Variants in CHFR observed in about 807,000 individuals in gnomAD.
CHFR encodes checkpoint with forkhead and ring finger domains.
Under a neutral mutation model 87.6 loss-of-function variants are expected in CHFR, and 57 were observed. The observed-to-expected ratio is 0.65, with a 90% confidence interval of 0.53 to 0.81. The LOEUF (loss-of-function observed/expected upper bound fraction) is 0.81. CHFR is among the 30% of genes least tolerant of loss of function. The pLI, the probability that CHFR is intolerant of heterozygous loss-of-function variation, is 0.00. For missense variants in CHFR, 797 were observed against 865.8 expected, an observed-to-expected ratio of 0.92 and a Z score of 1.00; for synonymous variants, 381 against 359.2, an observed-to-expected ratio of 1.06 and a Z score of -0.69.
chr12:132,872,490 C>A, intron 3 of CHFR, 96 bp from the exon 4 acceptor site: 1 of 756,394 alleles, frequency 1.3e-6, no homozygotes. Flanking sequence ...TCGATATGAC[C>A]ACTCTGGAAA....
chr12:132,863,461 C>T (rs987218022), intron 6 of CHFR, among the ~76,000 whole-genome samples: 4 of 151,902 alleles, frequency 2.6e-5, no homozygotes, highest in Non-Finnish European at 5.9e-5. Context: ...ACGAAGTTCG[C>T]GCCATTGCAC....
At chr12:132,861,089 G>A (rs1013478263) in intron 7 of CHFR, among the ~76,000 whole-genome samples, 1 of 152,164 alleles carries the variant, frequency 6.6e-6, no homozygotes, top group East Asian at 1.9e-4. Flanking sequence ...TTGCTCTGTC[G>A]CCCAGGCTGG....
chr12:132,839,485 CCT>C lies in CHFR; in HGVS notation c.*2067_*2068del. The C allele has an allele frequency of 6.2e-6, 1 of 162,262 alleles. No individual in the cohort carries two copies. The highest frequency in any genetic ancestry group is 1.2e-4 in the South Asian group (1 of 8,650). The allele number at this position is 162,262 out of a possible 1,614,324, so 10.1% of individuals were successfully genotyped here. A position where few individuals can be genotyped will look rare whatever the true frequency, so the allele number is the denominator to read the frequency against. ...CCTCACCCCTGCACTAAGGACCTCC[CCT>C]CTCAGCCTCGCCTCTGCACAAACTC... On this transcript the variant is annotated 3_prime_UTR_variant, in exon 18 of 18. Transcript: ENST00000450056.
At chr12:132,842,553 C>G (rs1054138252) in intron 17 of CHFR, among the ~76,000 whole-genome samples, 1 of 152,218 alleles carries the variant, frequency 6.6e-6, no homozygotes, top group Non-Finnish European at 1.5e-5. Flanking sequence ...GCCTCCTGAC[C>G]TACGCCTCCC....
At chr12:132,867,732 C>T (rs1048273887) in intron 6 of CHFR, 2 of 152,010 alleles carry the variant, frequency 1.3e-5, no homozygotes, top group Non-Finnish European at 2.9e-5. Flanking sequence ...TGTAAGAACG[C>T]GAGAGCCAAG....
intron 2 of CHFR, among the ~76,000 whole-genome samples, chr12:132,881,035 G>A (rs10870533): frequency 0.093 from 14,195 of 152,096 alleles, 1,392 homozygotes; most frequent in East Asian, 0.46. Flanking sequence ...GGGTGGCCAA[G>A]GCGGGCGGAT....
intron 5 of CHFR, among the ~76,000 whole-genome samples, chr12:132,870,151 G>A (rs970895265): frequency 6.6e-6 from 1 of 152,122 alleles, no homozygotes; most frequent in East Asian, 1.9e-4. Context: ...AGGAGATCGA[G>A]GCCAACCTGG....
rs745889598 is a variant in CHFR, at chr12:132,859,173, G to A, written c.806C>T (p.Ala269Val). Residue 269 changes from alanine (A) to valine (V), a missense_variant, in exon 8 of 18, where the codon GCC becomes GTC. Coordinates refer to ENST00000450056, the MANE Select transcript of CHFR (RefSeq NM_001161346.2). ...QLLVAQPRRN[A>V]QTVHEDVRAA... is the part of the protein sequence containing the mutation. The stretch of plus-strand genomic sequence containing the variant: ...TCTGACGTCCTCGTGGACGGTTTGG[G>A]CATTTCTACGCGGTTGTGCGACCAA... 1.2e-6 allele frequency: 2 copies of A among 1,614,028 alleles called. No individual in the cohort carries two copies. Among genetic ancestry groups the A allele is most frequent in the Non-Finnish European group, 1.7e-6 (2 of 1,179,946 alleles).
At chr12:132,866,683 GGAATGTTACAACACACCA>G (rs1288812961) in intron 6 of CHFR, 2 of 151,934 alleles carry the variant, frequency 1.3e-5, no homozygotes, top group East Asian at 3.9e-4. Flanking sequence ...GAATGTTACA[GGAATGTTACAACACACCA>G]GAATGTTACA....
At chr12:132,872,693 C>G (rs1010016700) in intron 3 of CHFR, among the ~76,000 whole-genome samples, 1 of 152,182 alleles carries the variant, frequency 6.6e-6, no homozygotes, top group Non-Finnish European at 1.5e-5. Flanking sequence ...GACCCGGAGG[C>G]CTCGTCTACA....
intron 12 of CHFR, 39 bp from the exon 13 acceptor site, chr12:132,848,763 G>A (rs1232650232): frequency 4.8e-6 from 7 of 1,453,348 alleles, no homozygotes; most frequent in Non-Finnish European, 6.6e-6. Flanking sequence ...ACTCAGCGCT[G>A]AGGGCTGTCT....
Position 132,837,061 on chromosome 12 carries a change from G to A in CHFR, c.*4493C>T, listed in dbSNP as rs1252293357. 1 of 337,148 alleles carries A rather than the reference G, an allele frequency of 3.0e-6. No individual in the cohort carries two copies. The highest frequency in any genetic ancestry group is 2.2e-5 in the African/African-American group (1 of 45,930). 20.9% of individuals were successfully genotyped at this position (337,148 alleles called of 1,614,324 possible). The stretch of plus-strand genomic sequence containing the variant: ...ATGAGGAGAGGCTGCAGAGGGAGGG[G>A]CTGGTACCTGAGGGGCTGTTTGTGA... On this transcript the variant is annotated 3_prime_UTR_variant, in exon 18 of 18. Transcript: ENST00000450056.
intron 2 of CHFR, among the ~76,000 whole-genome samples, chr12:132,883,910 G>A (rs1220293867): frequency 6.6e-6 from 1 of 152,212 alleles, no homozygotes. Flanking sequence ...TTGAGGCCAG[G>A]AGTTCAAGAC....
At chr12:132,850,607 C>G (rs1950918573) in intron 12 of CHFR, among the ~76,000 whole-genome samples, 1 of 152,154 alleles carries the variant, frequency 6.6e-6, no homozygotes, top group Admixed American at 6.5e-5. Flanking sequence ...AGGCTAGGCC[C>G]CACCCCTGCC....
intron 2 of CHFR, among the ~76,000 whole-genome samples, chr12:132,886,857 C>T (rs1305461058): frequency 2.0e-5 from 3 of 152,176 alleles, no homozygotes; most frequent in Non-Finnish European, 4.4e-5. Flanking sequence ...TGTTTCATGT[C>T]CACATATCTG....
At chr12:132,865,298 A>G (rs1951309011) in intron 6 of CHFR, among the ~76,000 whole-genome samples, 1 of 152,242 alleles carries the variant, frequency 6.6e-6, no homozygotes, top group Non-Finnish European at 1.5e-5. Flanking sequence ...GATGAAGGGT[A>G]CACAGCCCAA....
chr12:132,866,421 T>TGTTACAACACACCCTGGAAC (rs1357595891), intron 6 of CHFR: 1 of 151,754 alleles, frequency 6.6e-6, no homozygotes, highest in Non-Finnish European at 1.5e-5. Context: ...CACACCGGAA[T>TGTTACAACACACCCTGGAAC]GTTACAACAC....
At position 132,837,315 on chromosome 12, in the gene CHFR, T is replaced by C. The variant is rs1950655315; in HGVS notation, c.*4239A>G. On this transcript the variant is annotated 3_prime_UTR_variant, in exon 18 of 18. Coordinates refer to ENST00000450056, the MANE Select transcript of CHFR (RefSeq NM_001161346.2). ...CTGGCTGCCTGGTGCAGCACTGTGC[T>C]GGTGTTTAACAACCTTCTCTTCAGA... 6.2e-6 allele frequency: 1 copy of C among 161,988 alleles called. No individual in the cohort carries two copies. The highest frequency in any genetic ancestry group is 5.7e-5 in the Admixed American group (1 of 17,528). 10.0% of individuals were successfully genotyped at this position (161,988 alleles called of 1,614,324 possible).
In CHFR at chr12:132,856,640, A is replaced by G. The variant is rs1453570384; in HGVS notation, c.1067-10T>C. ...TCACTGCGACTCTTGTCTAGAATTG[A>G]AAGGACACAGCGCCATTCACCGGCA... On this transcript the variant is annotated splice_polypyrimidine_tract_variant and intron_variant, in intron 9 of 17. Coordinates refer to ENST00000450056, the MANE Select transcript of CHFR (RefSeq NM_001161346.2). 1.1e-5 allele frequency: 17 copies of G among 1,613,606 alleles called. No homozygotes were observed. The highest frequency in any genetic ancestry group is 1.4e-5 in the Non-Finnish European group (17 of 1,179,864).
Sources: gnomAD v4.1 joint callset for allele counts (sites outside exome capture counted in the v4.1 genomes callset) on GRCh38, gnomAD v4.1.1 for gene constraint, MANE v1.5 for transcripts, NCBI Gene and HGNC (gene_info 2026-07-23, HGNC 2026-07-21) for gene names.